TRIM2: variants seen among roughly 807,000 people sequenced by gnomAD.
TRIM2 encodes tripartite motif containing 2.
Under a neutral mutation model 75.2 loss-of-function variants are expected in TRIM2, and 20 were observed. The observed-to-expected ratio is 0.27, with a 90% confidence interval of 0.19 to 0.39. TRIM2 has a LOEUF of 0.39. Among genes scored for constraint, TRIM2 ranks in the 10% least tolerant of loss-of-function variants. TRIM2 has a pLI of 1.00. For missense variants in TRIM2, 660 were observed against 990.8 expected (o/e 0.67, Z 4.48); for synonymous variants, 373 against 388.3 (o/e 0.96, Z 0.46).
At chr4:153,230,784 G>A (rs1030071712) in intron 1 of TRIM2, among the ~76,000 whole-genome samples, 5 of 152,102 alleles carry the variant, frequency 3.3e-5, no homozygotes, top group African/African-American at 1.2e-4. Context: ...TGGCCCCTGT[G>A]GCACAAATCT....
At chr4:153,293,738 A>G (rs149381803) in intron 4 of TRIM2, among the ~76,000 whole-genome samples, 2 of 152,374 alleles carry the variant, frequency 1.3e-5, no homozygotes, top group African/African-American at 4.8e-5. Flanking sequence ...GTTGTTCTAT[A>G]GTAATTCAAA....
At chr4:153,168,353 T>C (rs1730517395) in intron 1 of TRIM2, among the ~76,000 whole-genome samples, 1 of 152,186 alleles carries the variant, frequency 6.6e-6, no homozygotes, top group South Asian at 2.1e-4. Flanking sequence ...GTTTTGATAA[T>C]ATGTTTTCCT....
intron 1 of TRIM2, among the ~76,000 whole-genome samples, chr4:153,242,377 C>T (rs1375845706): frequency 6.6e-6 from 1 of 151,664 alleles, no homozygotes; most frequent in East Asian, 1.9e-4. Context: ...CCCCCTCTAA[C>T]AGGATGTCGT....
In TRIM2 at chr4:153,276,122, G is replaced by A. The variant is rs140886410; in HGVS notation, c.445G>A (p.Asp149Asn). The change falls in exon 3 of 12, where the codon GAT (aspartate) becomes AAT (asparagine). Residue 149 changes from aspartate to asparagine, a missense_variant. By Grantham distance (23) the Asp-to-Asn change is conservative. This residue lies in a region of TRIM2 where 620 missense variants were observed against 891.0 expected (regional missense o/e 0.70). Coordinates refer to ENST00000338700, the MANE Select transcript of TRIM2 (RefSeq NM_015271.5). Reference sequence around the variant, plus strand: ...AAAGCCTCTCTCTTGCCCAAACCACGATGGGAATGTAAGTGGCTGGGATGG... The same window carrying A: ...AAAGCCTCTCTCTTGCCCAAACCACAATGGGAATGTAAGTGGCTGGGATGG... ...AGKPLSCPNHDGNVMEFYCQS... is the reference protein window; with the variant it reads ...AGKPLSCPNHNGNVMEFYCQS... 8.1e-6 allele frequency: 13 copies of A among 1,613,916 alleles called. No individual in the cohort carries two copies. Among genetic ancestry groups the A allele is most frequent in the African/African-American group, 8.0e-5 (6 of 74,936 alleles).
At chr4:153,203,684 G>A (rs1419430624), upstream of TRIM2, among the ~76,000 whole-genome samples, 1 of 151,870 alleles carries the variant, frequency 6.6e-6, no homozygotes, top group Non-Finnish European at 1.5e-5. Flanking sequence ...TTGAAGCCAG[G>A]AGTTCAAGAC....
rs1342559099 is a variant in TRIM2 at position 153,244,414 on chromosome 4, C to CT, written c.31-25919dup. Among the ~76,000 whole-genome samples the CT allele has an allele frequency of 2.1e-5, 2 of 97,382 alleles. 1 individual carries two copies. Among genetic ancestry groups the CT allele is most frequent in the African/African-American group, 1.0e-4 (2 of 19,078 alleles). The allele number at this position is 97,382 out of a possible 152,430, so 63.9% of individuals were successfully genotyped here. A position where few individuals can be genotyped will look rare whatever the true frequency, so the allele number is the denominator to read the frequency against. ...TCTTCTTCTTCTTCTTCTTCTTCTT[C>CT]TTCTTCTTCTTCTTCTTCTTCTTTT... On this transcript the variant is annotated intron_variant, in intron 1 of 11. Coordinates refer to ENST00000338700, the MANE Select transcript of TRIM2 (RefSeq NM_015271.5).
chr4:153,329,177 A>G lies in TRIM2; in HGVS notation c.2163+507A>G, dbSNP rs1413831850. On this transcript the variant is annotated intron_variant, in intron 11 of 11. Coordinates refer to ENST00000338700, the MANE Select transcript of TRIM2 (RefSeq NM_015271.5). ...CTATTTCTTATTATTTAATGTGCTAATTTTTAGAAGCACACACATATTGCT... is the reference window on the plus strand; with the variant it reads ...CTATTTCTTATTATTTAATGTGCTAGTTTTTAGAAGCACACACATATTGCT... 3.3e-5 allele frequency among the ~76,000 whole-genome samples: 5 copies of G among 152,112 alleles called. No individual in the cohort carries two copies. The East Asian group carries it at 9.6e-4, about 29-fold the overall frequency.
chr4:153,188,646 G>A (rs1395742966), intron 1 of TRIM2, among the ~76,000 whole-genome samples: 1 of 151,956 alleles, frequency 6.6e-6, no homozygotes, highest in Non-Finnish European at 1.5e-5. Flanking sequence ...GAAGGGATGA[G>A]GGGCTGGCAC....
chr4:153,319,065 T>TTTCTTCTTTTTC (rs1182198819), intron 8 of TRIM2, among the ~76,000 whole-genome samples: 2 of 152,184 alleles, frequency 1.3e-5, no homozygotes, highest in East Asian at 3.8e-4. Context: ...AGATACTTAT[T>TTTCTTCTTTTTC]TTCTTCTTTT....
intron 11 of TRIM2, among the ~76,000 whole-genome samples, chr4:153,331,215 C>G (rs1309001566): frequency 6.6e-6 from 1 of 152,074 alleles, no homozygotes; most frequent in South Asian, 2.1e-4. Flanking sequence ...CTCAGCCACT[C>G]AGGAGGCTGA....
At chr4:153,239,819 CCTAA>C (rs1428641811) in intron 1 of TRIM2, among the ~76,000 whole-genome samples, 3 of 148,986 alleles carry the variant, frequency 2.0e-5, no homozygotes, top group Non-Finnish European at 4.4e-5. Context: ...ATGACAGCAT[CCTAA>C]CTTTCTTTCT....
chr4:153,212,612 C>T (rs982407251), intron 1 of TRIM2, among the ~76,000 whole-genome samples: 1 of 152,070 alleles, frequency 6.6e-6, no homozygotes, highest in African/African-American at 2.4e-5. Flanking sequence ...GCTGTGATTG[C>T]ACCACTGCAG....
intron 1 of TRIM2, among the ~76,000 whole-genome samples, chr4:153,253,887 G>A (rs1436932082): frequency 4.6e-5 from 7 of 152,192 alleles, no homozygotes; most frequent in Non-Finnish European, 1.0e-4. Context: ...TGTAAATGGG[G>A]AACCAGCAGC....
chr4:153,316,926 T>G (rs1767757770), intron 8 of TRIM2, among the ~76,000 whole-genome samples: 1 of 118,994 alleles, frequency 8.4e-6, no homozygotes, highest in Non-Finnish European at 1.6e-5. Context: ...TGTCACCCAG[T>G]CTGGAGTGCA....
At chr4:153,192,152 G>A (rs1343419906) in intron 1 of TRIM2, among the ~76,000 whole-genome samples, 3 of 152,140 alleles carry the variant, frequency 2.0e-5, no homozygotes, top group Non-Finnish European at 2.9e-5. Flanking sequence ...CAGGCATCCC[G>A]CACCACAGTG....
upstream of TRIM2, among the ~76,000 whole-genome samples, chr4:153,199,972 C>T (rs1443468554): frequency 2.8e-5 from 4 of 140,574 alleles, no homozygotes; most frequent in Non-Finnish European, 6.0e-5. Flanking sequence ...GATGGAGTCT[C>T]ACTCTGTCGC....
At chr4:153,173,125 G>A (rs762485161) in intron 1 of TRIM2, among the ~76,000 whole-genome samples, 5 of 152,132 alleles carry the variant, frequency 3.3e-5, no homozygotes, top group African/African-American at 9.7e-5. Context: ...GTCTCTAATC[G>A]CCCTCACCTG....
chr4:153,244,129 CTTCTTCTTCTTCT>C (rs2149860389), intron 1 of TRIM2, among the ~76,000 whole-genome samples: 1 of 145,718 alleles, frequency 6.9e-6, no homozygotes, highest in African/African-American at 2.5e-5. Flanking sequence ...CCATCTTCTT[CTTCTTCTTCTTCT>C]TGTTCTTCTT....
chr4:153,322,064 C>T (rs1769112704), intron 8 of TRIM2, among the ~76,000 whole-genome samples: 1 of 152,140 alleles, frequency 6.6e-6, no homozygotes, highest in Non-Finnish European at 1.5e-5. Context: ...GGAACTGTGA[C>T]CCCAGTTTAG....
Sources: gnomAD v4.1 joint callset for allele counts (sites outside exome capture counted in the v4.1 genomes callset) on GRCh38, gnomAD v4.1.1 for gene constraint, gnomAD v4.1.1 regional missense constraint, MANE v1.5 for transcripts, NCBI Gene and HGNC (gene_info 2026-07-23, HGNC 2026-07-21) for gene names.